CACNA1C: variants seen among roughly 807,000 people sequenced by gnomAD.
The protein encoded by CACNA1C is voltage-dependent L-type calcium channel subunit alpha-1C.
In CACNA1C, 30 loss-of-function variants were observed where a neutral mutation model predicts 229.0. The observed-to-expected ratio is 0.13, with a 90% CI of 0.10 to 0.18. The LOEUF is 0.18. Among genes scored for constraint, CACNA1C ranks in the 10% least tolerant of loss-of-function variants. The pLI is 1.00. For missense variants in CACNA1C, 1,658 were observed against 2,845.0 expected (o/e 0.58, Z 9.49); for synonymous variants, 1,114 against 1,132.5 (o/e 0.98, Z 0.33).
Position 2,666,514 on chromosome 12 carries a change from G to A in CACNA1C, c.4527-172G>A, listed in dbSNP as rs917637341. ...ACACGTGTATATGTATATTGGTTTG[G>A]GGCTGTGTCATGCAATTCTGCAACT... On this transcript the variant is annotated intron_variant, in intron 36 of 46. Transcript: ENST00000399655. This position sits in a 1 kb window ranked among gnomAD's most constrained non-coding sequence, Gnocchi z 5.3. 1.8e-6 allele frequency: 1 copy of A among 551,212 alleles called. No homozygotes were observed. Among genetic ancestry groups the A allele is most frequent in the Non-Finnish European group, 3.2e-6 (1 of 307,998 alleles). 34.1% of individuals were successfully genotyped at this position (551,212 alleles called of 1,614,324 possible). A position where few individuals can be genotyped will look rare whatever the true frequency, so the allele number is the denominator to read the frequency against.
At chr12:2,010,848 T>A (rs2044276328) in intron 1 of CACNA1C, 1 of 151,770 alleles carries the variant, frequency 6.6e-6, no homozygotes, top group African/African-American at 2.4e-5. Context: ...GAAAAAGATG[T>A]TAAGAAAGAG....
intron 3 of CACNA1C, among the ~76,000 whole-genome samples, chr12:2,240,937 C>T (rs2069791242): frequency 6.6e-6 from 1 of 152,100 alleles, no homozygotes; most frequent in Non-Finnish European, 1.5e-5. Flanking sequence ...TGGGATCTCG[C>T]CAGGGATTAT....
intron 30 of CACNA1C, among the ~76,000 whole-genome samples, chr12:2,642,302 C>G (rs936952123): frequency 6.6e-6 from 1 of 152,122 alleles, no homozygotes; most frequent in Non-Finnish European, 1.5e-5. Context: ...TCTTATCAAC[C>G]CACATACGGC....
Position 2,141,288 on chromosome 12 carries a change from G to T in CACNA1C, c.477+20858G>T, listed in dbSNP as rs562871797. On this transcript the variant is annotated intron_variant, in intron 3 of 46. Transcript: ENST00000399655. Reference sequence around the variant, plus strand: ...AGGAGCAGGAAGGATCTGGAGGAGGGTTAGGAAGGTAGCAGAGATAGGCGA... The same window carrying T: ...AGGAGCAGGAAGGATCTGGAGGAGGTTTAGGAAGGTAGCAGAGATAGGCGA... Among the ~76,000 whole-genome samples, 39 of 151,416 alleles carry T rather than the reference G, an allele frequency of 2.6e-4. 2 individuals are homozygous for T. The South Asian group carries it at 8.2e-3, about 32-fold the overall frequency.
chr12:2,521,494 C>T (rs543332633), intron 9 of CACNA1C, among the ~76,000 whole-genome samples: 2 of 152,294 alleles, frequency 1.3e-5, no homozygotes, highest in African/African-American at 4.8e-5. Flanking sequence ...TGAAGGCCCT[C>T]TTCCTCTCCA....
At position 1,971,882 on chromosome 12, in the gene CACNA1C, T is replaced by G. The variant is rs895269102; in HGVS notation, c.139+681T>G. On this transcript the variant is annotated intron_variant, in intron 1 of 46. Transcript: ENST00000682462. The surrounding 1 kb of genome is among the most constrained non-coding windows in gnomAD (Gnocchi z 4.2). ...TACCCAAATACCATACAACTCCAAA[T>G]CATGAATGATAGCTTGTAATCGTCT... Among the ~76,000 whole-genome samples the G allele has an allele frequency of 1.3e-5, 2 of 152,234 alleles. No individual in the cohort carries two copies. Among genetic ancestry groups the G allele is most frequent in the African/African-American group, 4.8e-5 (2 of 41,456 alleles).
chr12:2,482,155 GC>G (rs1407741662), intron 5 of CACNA1C, among the ~76,000 whole-genome samples: 38 of 152,348 alleles, frequency 2.5e-4, no homozygotes, highest in Non-Finnish European at 1.5e-5. Context: ...GCCTGGCTCT[GC>G]CACCCCAGGC....
At chr12:2,556,903 T>G in intron 10 of CACNA1C, 48 bp from the exon 11 acceptor site, 2 of 1,545,818 alleles carry the variant, frequency 1.3e-6, no homozygotes, top group Non-Finnish European at 1.8e-6. Flanking sequence ...GTCTTTTAAA[T>G]GCACGTGTGT....
chr12:2,190,795 G>C (rs1165901345), intron 3 of CACNA1C, among the ~76,000 whole-genome samples: 1 of 152,206 alleles, frequency 6.6e-6, no homozygotes, highest in African/African-American at 2.4e-5. Context: ...GCTTGGATTG[G>C]TGGGGTGGCA....
At chr12:2,411,372 T>C (rs35167730) in intron 3 of CACNA1C, among the ~76,000 whole-genome samples, 55,685 of 151,924 alleles carry the variant, frequency 0.37, 10,379 homozygotes, top group Admixed American at 0.48. Context: ...CTGTTAGAAT[T>C]AGGGAGTGAG....
rs534007374 is a variant in CACNA1C at position 2,499,168 on chromosome 12, A to G, written c.1114-5674A>G. On this transcript the variant is annotated intron_variant, in intron 7 of 46. Transcript: ENST00000399655. The stretch of plus-strand genomic sequence containing the variant: ...TCCGTGAGGTAGCTGCCCGTGTCCC[A>G]GCAAGCAAGGTGACATAGATTCTGA... 9.2e-5 allele frequency among the ~76,000 whole-genome samples: 14 copies of G among 152,258 alleles called. 1 individual carries two copies. The South Asian group carries it at 2.7e-3, about 29-fold the overall frequency.
At chr12:2,191,623 CACTCACAGGCACACATGT>C (rs902883569) in intron 3 of CACNA1C, among the ~76,000 whole-genome samples, 1 of 152,008 alleles carries the variant, frequency 6.6e-6, no homozygotes, top group African/African-American at 2.4e-5. Context: ...GGCACACATG[CACTCACAGGCACACATGT>C]AAACAGGCAC....
chr12:2,400,765 C>T (rs1456013397), intron 3 of CACNA1C, among the ~76,000 whole-genome samples: 3 of 152,232 alleles, frequency 2.0e-5, no homozygotes, highest in African/African-American at 4.8e-5. Flanking sequence ...ACTGAGTGCA[C>T]GGCCCTGACA....
At chr12:2,118,373 G>A (rs2084953835) in intron 2 of CACNA1C, among the ~76,000 whole-genome samples, 3 of 152,320 alleles carry the variant, frequency 2.0e-5, no homozygotes, top group East Asian at 1.9e-4. Flanking sequence ...TTCCTAAGCA[G>A]GCGAGAAAAG....
intron 3 of CACNA1C, among the ~76,000 whole-genome samples, chr12:2,151,443 T>C (rs80149466): frequency 0.014 from 2,083 of 152,038 alleles, 37 homozygotes; most frequent in African/African-American, 0.046. Flanking sequence ...TATAGACATT[T>C]GCATTGGTTT....
rs571420574 is a variant in CACNA1C, at chr12:2,485,452, C to T, written c.758-652C>T. On this transcript the variant is annotated intron_variant, in intron 5 of 46. Transcript: ENST00000399655. ...AGGGGGGCCTTCTCCCCATAGACCG[C>T]GGTGCAAGCCCCAGACCTCACCGAC... Among the ~76,000 whole-genome samples the T allele has an allele frequency of 5.9e-5, 9 of 152,298 alleles. 2 individuals are homozygous for T. Among genetic ancestry groups the T allele is most frequent in the East Asian group, 1.9e-4 (1 of 5,184 alleles).
intron 3 of CACNA1C, among the ~76,000 whole-genome samples, chr12:2,380,089 C>A (rs1019798183): frequency 4.6e-5 from 7 of 151,860 alleles, no homozygotes; most frequent in South Asian, 4.2e-4. Flanking sequence ...CCCCTGGTTC[C>A]CATCCCCACC....
At chr12:2,382,588 G>A (rs568520693) in intron 3 of CACNA1C, among the ~76,000 whole-genome samples, 1 of 152,132 alleles carries the variant, frequency 6.6e-6, no homozygotes, top group East Asian at 1.9e-4. Context: ...TATCATAGGG[G>A]GAGCTCTGAG....
At chr12:2,089,319 G>A (rs1412738896) in intron 1 of CACNA1C, among the ~76,000 whole-genome samples, 1 of 152,166 alleles carries the variant, frequency 6.6e-6, no homozygotes, top group African/African-American at 2.4e-5. Context: ...TGGAAGAAAA[G>A]GATTAATTTG....
Sources: gnomAD v4.1 joint callset for allele counts (sites outside exome capture counted in the v4.1 genomes callset) on GRCh38, gnomAD v4.1.1 for gene constraint, Gnocchi (gnomAD v3.1) non-coding constraint, MANE v1.5 for transcripts, NCBI Gene and HGNC (gene_info 2026-07-23, HGNC 2026-07-21) for gene names.